The following LEKR1 variants were observed in gnomAD, a reference collection of about 807,000 sequenced individuals.
LEKR1 encodes the protein protein LEKR1.
Under a neutral mutation model 72.4 loss-of-function variants are expected in LEKR1, and 59 were observed. The ratio of observed to expected loss-of-function variants is 0.82; its 90% CI spans 0.66 to 1.01. The LOEUF is 1.01. Among genes scored for constraint, LEKR1 ranks in the 50% least tolerant of loss-of-function variants. LEKR1 has a pLI of 0.00. For synonymous variants in LEKR1, 257 were observed against 263.2 expected, an observed-to-expected ratio of 0.98 and a Z score of 0.23; for missense variants, 728 against 759.2, an observed-to-expected ratio of 0.96 and a Z score of 0.48.
chr3:156,922,422 A>C (rs1186397293), intron 4 of LEKR1, among the ~76,000 whole-genome samples: 2 of 152,058 alleles, frequency 1.3e-5, no homozygotes, highest in East Asian at 3.8e-4. Context: ...GATGAAAAAA[A>C]AAAAAGAGTT....
At chr3:156,869,945 C>T (rs1717734532) in intron 3 of LEKR1, among the ~76,000 whole-genome samples, 1 of 152,022 alleles carries the variant, frequency 6.6e-6, no homozygotes, top group Non-Finnish European at 1.5e-5. Flanking sequence ...TTCCCGGTAC[C>T]ATTTATTGAA....
At chr3:156,844,548 C>T (rs1031905162) in intron 2 of LEKR1, among the ~76,000 whole-genome samples, 1 of 152,120 alleles carries the variant, frequency 6.6e-6, no homozygotes. Context: ...GTCCATGGCC[C>T]TGGCAACCAT....
chr3:156,982,686 A>C (rs1316844645), intron 7 of LEKR1, among the ~76,000 whole-genome samples: 1 of 152,148 alleles, frequency 6.6e-6, no homozygotes. Context: ...ATTTTCTACA[A>C]ATTTTATTTT....
rs1491385392 is a variant in LEKR1 at position 156,899,567 on chromosome 3, T to TGTATATATACATATAC, written c.264-21007_264-20992dup. Among the ~76,000 whole-genome samples, 489 of 96,084 alleles carry TGTATATATACATATAC rather than the reference T, an allele frequency of 5.1e-3. 69 individuals carry two copies. Among genetic ancestry groups the TGTATATATACATATAC allele is most frequent in the African/African-American group, 0.023 (341 of 14,696 alleles). 63.0% of individuals were successfully genotyped at this position (96,084 alleles called of 152,430 possible). On this transcript the variant is annotated intron_variant, in intron 3 of 12. Transcript: ENST00000356539. ...ATATATACACATATATACATATACA[T>TGTATATATACATATAC]GTATATATACATATACATGTATATA...
At chr3:156,863,491 G>A (rs1255968897) in intron 3 of LEKR1, among the ~76,000 whole-genome samples, 4 of 151,946 alleles carry the variant, frequency 2.6e-5, no homozygotes, top group African/African-American at 9.7e-5. Context: ...ATTTTTATTT[G>A]TTGCAGGTTT....
chr3:156,838,093 G>T (rs545837026), intron 2 of LEKR1, among the ~76,000 whole-genome samples: 101 of 152,288 alleles, frequency 6.6e-4, no homozygotes, highest in Non-Finnish European at 1.3e-3. Flanking sequence ...GACCTGGCAA[G>T]GCTTAAACTT....
intron 6 of LEKR1, among the ~76,000 whole-genome samples, chr3:156,956,103 AAG>A (rs1224556339): frequency 1.3e-5 from 2 of 151,968 alleles, no homozygotes; most frequent in Non-Finnish European, 2.9e-5. Context: ...CAGAATATCT[AAG>A]AGGGTGGAAG....
intron 3 of LEKR1, among the ~76,000 whole-genome samples, chr3:156,906,850 A>G (rs1182644655): frequency 6.6e-6 from 1 of 152,124 alleles, no homozygotes. Context: ...TTCAATGTGC[A>G]TGTTTTTTAA....
chr3:156,846,929 C>T (rs1239718058), intron 2 of LEKR1, among the ~76,000 whole-genome samples: 1 of 152,194 alleles, frequency 6.6e-6, no homozygotes. Flanking sequence ...CCTCCCACCT[C>T]AGCCTCCCAA....
At position 157,011,469 on chromosome 3, in the gene LEKR1, G is replaced by C. The variant is rs1732879783; in HGVS notation, c.1166G>C (p.Arg389Thr). The part of the protein sequence containing the change: ...KSIEQLQETL[R>T]QKLLSDDNWK... Reference sequence around the variant, plus strand: ...ATCGAGCAGCTGCAAGAAACCCTTAGACAGAAGCTGCTGAGTGATGATAAC... The same window carrying C: ...ATCGAGCAGCTGCAAGAAACCCTTACACAGAAGCTGCTGAGTGATGATAAC... Residue 389 changes from arginine to threonine, a missense_variant, in exon 10 of 13, where the codon AGA becomes ACA. Physicochemically the swap from Arg to Thr is moderately conservative, Grantham distance 71 (BLOSUM62 -1). Coordinates refer to ENST00000356539, the MANE Select transcript of LEKR1 (RefSeq NM_001004316.3). 1 of 1,612,966 alleles carries C rather than the reference G, an allele frequency of 6.2e-7. No homozygotes were observed. Among genetic ancestry groups the C allele is most frequent in the South Asian group, 1.1e-5 (1 of 91,048 alleles).
intron 6 of LEKR1, among the ~76,000 whole-genome samples, chr3:156,963,359 A>C (rs563811799): frequency 6.6e-6 from 1 of 152,350 alleles, no homozygotes; most frequent in Admixed American, 6.5e-5. Context: ...CCCTACACAC[A>C]CAGACACTTT....
At position 156,993,124 on chromosome 3, in the gene LEKR1, A is replaced by G. The variant is rs1177780876; in HGVS notation, c.956A>G (p.Gln319Arg). 3 of 1,611,700 alleles carry G rather than the reference A, an allele frequency of 1.9e-6. No homozygotes were observed. Among genetic ancestry groups the G allele is most frequent in the Middle Eastern group, 1.7e-4 (1 of 6,034 alleles). Residue 319 changes from glutamine to arginine, a missense_variant, in exon 9 of 13, where the codon CAG becomes CGG. By Grantham distance (43) the Gln-to-Arg change is conservative. Transcript: ENST00000356539. ...GAAGACTCTTTAATGACTTGTCAACAGATATATAAAGCATTACAGGAAGAG... is the reference window on the plus strand; with the variant it reads ...GAAGACTCTTTAATGACTTGTCAACGGATATATAAAGCATTACAGGAAGAG... ...EKEDSLMTCQ[Q>R]IYKALQEELT...
chr3:156,896,748 TATGTCCATTGCAGC>T (rs1421539739), intron 3 of LEKR1, among the ~76,000 whole-genome samples: 1 of 152,188 alleles, frequency 6.6e-6, no homozygotes, highest in Non-Finnish European at 1.5e-5. Flanking sequence ...TATGCATGCA[TATGTCCATTGCAGC>T]ACCATTCACA....
chr3:156,867,536 T>C (rs1717455340), intron 3 of LEKR1, among the ~76,000 whole-genome samples: 1 of 152,002 alleles, frequency 6.6e-6, no homozygotes, highest in African/African-American at 2.4e-5. Context: ...AACTACCCAT[T>C]TGATTTTTCT....
intron 9 of LEKR1, among the ~76,000 whole-genome samples, chr3:157,010,268 T>A (rs1842840): frequency 1.3e-5 from 2 of 151,552 alleles, no homozygotes; most frequent in Non-Finnish European, 2.9e-5. Flanking sequence ...TATTAGGAAA[T>A]GAGGAAACAG....
intron 3 of LEKR1, among the ~76,000 whole-genome samples, chr3:156,907,092 A>AT (rs1031296194): frequency 4.0e-4 from 61 of 152,142 alleles, no homozygotes; most frequent in African/African-American, 1.4e-3. Flanking sequence ...TTTTAAAACA[A>AT]TTTTTTTAGA....
chr3:156,908,194 G>A (rs182205507), intron 3 of LEKR1, among the ~76,000 whole-genome samples: 1 of 152,172 alleles, frequency 6.6e-6, no homozygotes, highest in African/African-American at 2.4e-5. Context: ...TTCCTTCACT[G>A]TATAGTTATT....
intron 2 of LEKR1, among the ~76,000 whole-genome samples, chr3:156,845,833 T>A (rs1309717240): frequency 1.3e-5 from 2 of 152,162 alleles, no homozygotes; most frequent in Non-Finnish European, 2.9e-5. Context: ...ACATACAAAT[T>A]TGAGAATAAC....
intron 3 of LEKR1, among the ~76,000 whole-genome samples, chr3:156,899,427 CATGTATATAT>C (rs1721625186): frequency 1.5e-5 from 1 of 67,478 alleles, no homozygotes; most frequent in East Asian, 3.9e-4. Context: ...CACATATATA[CATGTATATAT>C]ACATATATAC....
Sources: allele counts gnomAD v4.1 joint callset (sites outside exome capture counted in the v4.1 genomes callset), GRCh38; gene constraint gnomAD v4.1.1; transcripts MANE v1.5; gene names NCBI Gene and HGNC (gene_info 2026-07-23, HGNC 2026-07-21).